Variants in ITGBL1 observed in about 807,000 individuals in gnomAD.
The protein encoded by ITGBL1 is integrin subunit beta like 1, also known as integrin beta-like protein 1.
ITGBL1 carries 51 observed loss-of-function variants against 68.5 expected under a neutral mutation model. That is an observed-to-expected ratio of 0.74 (90% confidence interval 0.59 to 0.94). The LOEUF (loss-of-function observed/expected upper bound fraction) is 0.94. ITGBL1 is among the 40% of genes least tolerant of loss of function. The probability of loss-of-function intolerance (pLI) is 0.00; values close to 1 mark genes in which losing one functional copy is unlikely to be tolerated. For synonymous variants in ITGBL1, 209 were observed against 227.3 expected (o/e 0.92, Z 0.72); for missense variants, 649 against 647.4 (o/e 1.00, Z -0.03).
chr13:101,618,226 T>A (rs2031442764), intron 7 of ITGBL1, among the ~76,000 whole-genome samples: 1 of 152,130 alleles, frequency 6.6e-6, no homozygotes, highest in Non-Finnish European at 1.5e-5. Flanking sequence ...ATTAGGAAAG[T>A]GTTAAAGAAG....
chr13:101,565,267 G>A (rs559863534), intron 2 of ITGBL1, among the ~76,000 whole-genome samples: 2 of 152,132 alleles, frequency 1.3e-5, no homozygotes, highest in East Asian at 3.9e-4. Context: ...ATCCCCCGAG[G>A]TCTGCTAAAG....
In ITGBL1 at chr13:101,621,521, A is replaced by G. The variant is rs544976887; in HGVS notation, c.1015+23222A>G. 3.4e-3 allele frequency among the ~76,000 whole-genome samples: 520 copies of G among 152,196 alleles called. 2 individuals are homozygous for G. The highest frequency in any genetic ancestry group is 0.012 in the African/African-American group (499 of 41,540). ...TTTTTTTTCTCCCACTTAAAAAGGG[A>G]TAAAGAAACTAACCCACCCAGATTG... is the stretch of plus-strand genomic sequence containing the variant. On this transcript the variant is annotated intron_variant, in intron 7 of 10. Coordinates refer to ENST00000376180, the MANE Select transcript of ITGBL1 (RefSeq NM_004791.3).
At chr13:101,510,957 C>G (rs2049106052) in intron 2 of ITGBL1, among the ~76,000 whole-genome samples, 1 of 151,960 alleles carries the variant, frequency 6.6e-6, no homozygotes, top group African/African-American at 2.4e-5. Flanking sequence ...TCTGTTTAGT[C>G]TGTTGATGAT....
At chr13:101,579,572 C>A in intron 5 of ITGBL1, 145 bp downstream of exon 5, 2 of 838,454 alleles carry the variant, frequency 2.4e-6, no homozygotes, top group South Asian at 2.1e-5. Context: ...ATTTACTATC[C>A]CAACAATCTT....
intron 2 of ITGBL1, among the ~76,000 whole-genome samples, chr13:101,499,302 G>A (rs969499291): frequency 6.6e-6 from 1 of 152,108 alleles, no homozygotes; most frequent in African/African-American, 2.4e-5. Context: ...GGTGTTGCTG[G>A]ATATTTCTGC....
At chr13:101,638,719 A>G (rs189967872) in intron 7 of ITGBL1, among the ~76,000 whole-genome samples, 104 of 152,332 alleles carry the variant, frequency 6.8e-4, no homozygotes, top group African/African-American at 2.2e-3. Flanking sequence ...CCATGATTCA[A>G]TTATCTCCCA....
intron 2 of ITGBL1, among the ~76,000 whole-genome samples, chr13:101,481,818 G>T (rs1422643658): frequency 6.6e-6 from 1 of 151,754 alleles, no homozygotes; most frequent in Non-Finnish European, 1.5e-5. Context: ...GATTAATGTT[G>T]CACATATTCA....
At chr13:101,472,984 ATGT>A (rs1040453639) in intron 2 of ITGBL1, among the ~76,000 whole-genome samples, 1 of 152,176 alleles carries the variant, frequency 6.6e-6, no homozygotes, top group African/African-American at 2.4e-5. Context: ...GTGTATAATT[ATGT>A]TGTTCAATCA....
intron 7 of ITGBL1, among the ~76,000 whole-genome samples, chr13:101,625,904 A>G (rs2031758593): frequency 6.6e-6 from 1 of 152,192 alleles, no homozygotes; most frequent in Admixed American, 6.5e-5. Flanking sequence ...ACACTGTTCT[A>G]AAGACTGCAC....
intron 7 of ITGBL1, among the ~76,000 whole-genome samples, chr13:101,648,362 C>T (rs1431306371): frequency 6.6e-6 from 1 of 152,116 alleles, no homozygotes; most frequent in Non-Finnish European, 1.5e-5. Context: ...TAAAAGAATG[C>T]AGTAACTAAG....
chr13:101,463,304 C>T (rs2048341398), intron 2 of ITGBL1, among the ~76,000 whole-genome samples: 1 of 152,082 alleles, frequency 6.6e-6, no homozygotes, highest in Non-Finnish European at 1.5e-5. Flanking sequence ...ACAAGCTTGC[C>T]TACTCTATAG....
chr13:101,653,987 G>C (rs575857155), intron 7 of ITGBL1, among the ~76,000 whole-genome samples: 17 of 151,674 alleles, frequency 1.1e-4, no homozygotes, highest in Non-Finnish European at 2.9e-5. Flanking sequence ...TGGGATTACA[G>C]GCATGAGCCA....
chr13:101,706,986 G>T, intron 9 of ITGBL1, 84 bp downstream of exon 9: 1 of 1,437,182 alleles, frequency 7.0e-7, no homozygotes, highest in South Asian at 1.3e-5. Flanking sequence ...GTCTTTCCCA[G>T]ACTGAACTTT....
intron 2 of ITGBL1, among the ~76,000 whole-genome samples, chr13:101,471,568 G>GTA (rs148373767): frequency 6.9e-5 from 10 of 144,624 alleles, no homozygotes; most frequent in South Asian, 4.5e-4. Context: ...GTGTGTGTGT[G>GTA]TATATATATT....
intron 7 of ITGBL1, among the ~76,000 whole-genome samples, chr13:101,666,244 G>A (rs770982425): frequency 6.6e-6 from 1 of 152,118 alleles, no homozygotes; most frequent in African/African-American, 2.4e-5. Flanking sequence ...CCAACTGAAT[G>A]AACCCTTTGT....
At chr13:101,471,688 C>T (rs1279346305) in intron 2 of ITGBL1, among the ~76,000 whole-genome samples, 2 of 152,116 alleles carry the variant, frequency 1.3e-5, no homozygotes, top group African/African-American at 4.8e-5. Flanking sequence ...ACCCAAGCTA[C>T]GTTTTCGGTA....
At chr13:101,627,349 G>A (rs886845451) in intron 7 of ITGBL1, among the ~76,000 whole-genome samples, 3 of 151,962 alleles carry the variant, frequency 2.0e-5, no homozygotes, top group South Asian at 2.1e-4. Flanking sequence ...AGTACAGGGA[G>A]ATCCCATATA....
chr13:101,586,141 G>A (rs2050553177), intron 6 of ITGBL1, among the ~76,000 whole-genome samples: 1 of 152,154 alleles, frequency 6.6e-6, no homozygotes, highest in Non-Finnish European at 1.5e-5. Flanking sequence ...GTGTCATTAA[G>A]GAGGCTGCAC....
intron 2 of ITGBL1, among the ~76,000 whole-genome samples, chr13:101,544,442 G>A: frequency 6.6e-6 from 1 of 152,150 alleles, no homozygotes; most frequent in Non-Finnish European, 1.5e-5. Context: ...ACCTGGCCGT[G>A]TGAGGTGTCA....
Sources: allele counts gnomAD v4.1 joint callset (sites outside exome capture counted in the v4.1 genomes callset), GRCh38; gene constraint gnomAD v4.1.1; transcripts MANE v1.5; gene names NCBI Gene and HGNC (gene_info 2026-07-23, HGNC 2026-07-21).